CHMP3: variants seen among roughly 807,000 people sequenced by gnomAD.
CHMP3 encodes the protein charged multivesicular body protein 3.
CHMP3 carries 8 observed loss-of-function variants against 27.4 expected under a neutral mutation model. The ratio of observed to expected loss-of-function variants is 0.29; its 90% CI spans 0.17 to 0.53. CHMP3 has a LOEUF of 0.53. CHMP3 is among the 20% of genes least tolerant of loss of function. The pLI, the probability that CHMP3 is intolerant of heterozygous loss-of-function variation, is 0.96. For synonymous variants in CHMP3, 86 were observed against 85.5 expected (o/e 1.01, Z -0.03); for missense variants, 208 against 271.5 (o/e 0.77, Z 1.64).
chr2:86,532,246 T>C (rs1474929053), intron 2 of CHMP3, among the ~76,000 whole-genome samples: 6 of 152,202 alleles, frequency 3.9e-5, no homozygotes, highest in Non-Finnish European at 8.8e-5. Context: ...CCTTTTCAGA[T>C]TGTCCATCGT....
At chr2:86,560,082 G>A (rs1033419580) in intron 1 of CHMP3, among the ~76,000 whole-genome samples, 5 of 152,070 alleles carry the variant, frequency 3.3e-5, no homozygotes, top group African/African-American at 1.2e-4. Flanking sequence ...TGGCTAACAC[G>A]GTGAAACTCT....
At chr2:86,527,248 A>C (rs1318297949) in intron 3 of CHMP3, 2 of 148,204 alleles carry the variant, frequency 1.3e-5, no homozygotes, top group Non-Finnish European at 3.0e-5. Context: ...GTCTCTACCA[A>C]AAAAAAAAAA....
intron 2 of CHMP3, among the ~76,000 whole-genome samples, chr2:86,532,837 G>C (rs921922445): frequency 3.9e-5 from 6 of 152,216 alleles, no homozygotes; most frequent in African/African-American, 1.4e-4. Flanking sequence ...TGGTTTGCTA[G>C]TATTCTGTTG....
intron 2 of CHMP3, among the ~76,000 whole-genome samples, chr2:86,530,345 C>T (rs996984841): frequency 3.9e-5 from 6 of 152,136 alleles, no homozygotes; most frequent in African/African-American, 1.4e-4. Flanking sequence ...TGAACAGTAA[C>T]TCCCCATTTC....
At position 86,552,328 on chromosome 2, in the gene CHMP3, A is replaced by C. The variant is rs545010521; in HGVS notation, c.46-10016T>G. Among the ~76,000 whole-genome samples the C allele has an allele frequency of 7.2e-5, 11 of 152,362 alleles. No individual in the cohort carries two copies. In the South Asian group the frequency reaches 2.1e-3, roughly 29 times the overall value. ...ATTAAATAAAGAGCATTAAGCACTT[A>C]TCCTGCATTTTCAATAGAAACTCTA... On this transcript the variant is annotated intron_variant, in intron 1 of 5. Transcript: ENST00000263856.
At chr2:86,544,590 T>C (rs1331487765) in intron 1 of CHMP3, among the ~76,000 whole-genome samples, 1 of 152,112 alleles carries the variant, frequency 6.6e-6, no homozygotes, top group Non-Finnish European at 1.5e-5. Context: ...ACAAAGCACA[T>C]CTTGCACCAC....
rs187525015 is a variant in CHMP3, at chr2:86,547,061, C to T, written c.46-4749G>A. On this transcript the variant is annotated intron_variant, in intron 1 of 5. Coordinates refer to ENST00000263856, the MANE Select transcript of CHMP3 (RefSeq NM_016079.4). ...AAATGTTACTTCAGGGAGACATTCCCTGACTCACAGAATAGGTTCAACCCT... is the reference window on the plus strand; with the variant it reads ...AAATGTTACTTCAGGGAGACATTCCTTGACTCACAGAATAGGTTCAACCCT... Among the ~76,000 whole-genome samples the T allele has an allele frequency of 7.2e-4, 109 of 152,318 alleles. 2 individuals carry two copies. In the South Asian group the frequency reaches 0.016, roughly 22 times the overall value.
At chr2:86,520,493 T>A (rs890924336) in intron 3 of CHMP3, among the ~76,000 whole-genome samples, 1 of 152,194 alleles carries the variant, frequency 6.6e-6, no homozygotes, top group Non-Finnish European at 1.5e-5. Flanking sequence ...ACCACCCCCA[T>A]GATCCAATCA....
Position 86,555,510 on chromosome 2 carries a change from AAT to A in CHMP3, c.45+7792_45+7793del, listed in dbSNP as rs1184922891. 8.8e-3 allele frequency among the ~76,000 whole-genome samples: 1,333 copies of A among 150,688 alleles called. 24 individuals are homozygous for A. Among genetic ancestry groups the A allele is most frequent in the East Asian group, 0.069 (352 of 5,130 alleles). On this transcript the variant is annotated intron_variant, in intron 1 of 5. Transcript: ENST00000263856. Reference sequence around the variant, plus strand: ...AGCAAGACTCCATCTCAAAAAAAAAAATAAATAAATAAATAATAAATGTGCTG... The same window carrying A: ...AGCAAGACTCCATCTCAAAAAAAAAAAAATAAATAAATAATAAATGTGCTG...
At position 86,527,892 on chromosome 2, in the gene CHMP3, C is replaced by T. The variant is rs113148968; in HGVS notation, c.286+1326G>A. Reference sequence around the variant, plus strand: ...GGGCGAATCGCTTGAGCCTGGGAGGCGCAGATTGCATTTAGCCGAGATCAC... The same window carrying T: ...GGGCGAATCGCTTGAGCCTGGGAGGTGCAGATTGCATTTAGCCGAGATCAC... On this transcript the variant is annotated intron_variant, in intron 3 of 5. Transcript: ENST00000263856. 3.4e-3 allele frequency among the ~76,000 whole-genome samples: 515 copies of T among 149,332 alleles called. 5 individuals carry two copies. Among genetic ancestry groups the T allele is most frequent in the African/African-American group, 0.012 (497 of 40,514 alleles).
In CHMP3 at chr2:86,503,741, G is replaced by C. The variant is rs1674785632; in HGVS notation, c.*2063C>G. 6.6e-6 allele frequency: 1 copy of C among 152,224 alleles called. No individual in the cohort carries two copies. Among genetic ancestry groups the C allele is most frequent in the South Asian group, 2.1e-4 (1 of 4,834 alleles). The allele number at this position is 152,224 out of a possible 1,614,324, so 9.4% of individuals were successfully genotyped here. On this transcript the variant is annotated 3_prime_UTR_variant, in exon 6 of 6. Coordinates refer to ENST00000263856, the MANE Select transcript of CHMP3 (RefSeq NM_016079.4). Reference sequence around the variant, plus strand: ...GATTCCAATATGACATTCTAGAAAAGGAAGAACTATGGCGACAGTAAAAAG... The same window carrying C: ...GATTCCAATATGACATTCTAGAAAACGAAGAACTATGGCGACAGTAAAAAG...
chr2:86,548,100 A>G (rs192416069), intron 1 of CHMP3, among the ~76,000 whole-genome samples: 2 of 152,060 alleles, frequency 1.3e-5, no homozygotes, highest in East Asian at 1.9e-4. Flanking sequence ...CTGAAGACAT[A>G]TGGAATGCAA....
At chr2:86,513,104 C>G (rs1462931552) in intron 3 of CHMP3, among the ~76,000 whole-genome samples, 1 of 152,188 alleles carries the variant, frequency 6.6e-6, no homozygotes, top group Non-Finnish European at 1.5e-5. Context: ...TGTCAGAAAC[C>G]AAGATGTCTT....
In CHMP3 at chr2:86,556,151, T is replaced by A. The variant is rs1481303170; in HGVS notation, c.45+7153A>T. ...ATTTTTAAGATAATTCCAGACTAGA[T>A]AATACATTTTAATGGTACAAATTCA... On this transcript the variant is annotated intron_variant, in intron 1 of 5. Coordinates refer to ENST00000263856, the MANE Select transcript of CHMP3 (RefSeq NM_016079.4). 2.0e-5 allele frequency among the ~76,000 whole-genome samples: 3 copies of A among 152,190 alleles called. No homozygotes were observed. The East Asian group carries it at 5.8e-4, about 29-fold the overall frequency.
chr2:86,507,919 C>T (rs961905017), intron 4 of CHMP3, among the ~76,000 whole-genome samples: 3 of 152,118 alleles, frequency 2.0e-5, no homozygotes, highest in Non-Finnish European at 2.9e-5. Flanking sequence ...GTATTTCCAG[C>T]GCTGTTTTGG....
At chr2:86,559,601 AGAGAAAGC>A (rs1176479780) in intron 1 of CHMP3, among the ~76,000 whole-genome samples, 1 of 152,242 alleles carries the variant, frequency 6.6e-6, no homozygotes, top group Non-Finnish European at 1.5e-5. Context: ...CACAGGTGTG[AGAGAAAGC>A]CTGGCACTTG....
chr2:86,542,418 T>A, intron 1 of CHMP3, 106 bp from the exon 2 acceptor site: 1 of 1,130,874 alleles, frequency 8.8e-7, no homozygotes, highest in Non-Finnish European at 1.3e-6. Context: ...ACACAAAATT[T>A]AAAAAGCCAT....
chr2:86,535,351 A>C (rs1676084851), intron 2 of CHMP3, among the ~76,000 whole-genome samples: 1 of 149,782 alleles, frequency 6.7e-6, no homozygotes, highest in Admixed American at 6.6e-5. Flanking sequence ...TTTGTCCCTT[A>C]TTTCCTGCAT....
At chr2:86,536,585 T>C (rs1287168851) in intron 2 of CHMP3, among the ~76,000 whole-genome samples, 2 of 152,194 alleles carry the variant, frequency 1.3e-5, no homozygotes, top group Non-Finnish European at 2.9e-5. Flanking sequence ...CGAGGATCCT[T>C]TGTATGTGAC....
Sources: gnomAD v4.1 joint callset for allele counts (sites outside exome capture counted in the v4.1 genomes callset) on GRCh38, gnomAD v4.1.1 for gene constraint, MANE v1.5 for transcripts, NCBI Gene and HGNC (gene_info 2026-07-23, HGNC 2026-07-21) for gene names.